XRN1: variants seen among roughly 807,000 people sequenced by gnomAD.
The protein encoded by XRN1 is 5'-3' exoribonuclease 1.
XRN1 carries 67 observed loss-of-function variants against 222.3 expected under a neutral mutation model. The ratio of observed to expected loss-of-function variants is 0.30; its 90% CI spans 0.25 to 0.37. The LOEUF is 0.37. Among genes scored for constraint, XRN1 ranks in the 10% least tolerant of loss-of-function variants. The pLI is 1.00. For missense variants in XRN1, 1,707 were observed against 2,000.2 expected (o/e 0.85, Z 2.80); for synonymous variants, 643 against 652.4 (o/e 0.99, Z 0.22).
At chr3:142,372,169 A>G (rs963466498) in intron 25 of XRN1, among the ~76,000 whole-genome samples, 3 of 152,158 alleles carry the variant, frequency 2.0e-5, no homozygotes, top group Non-Finnish European at 4.4e-5. Flanking sequence ...TGTAGCGTAT[A>G]TTTTAGAGAG....
At chr3:142,322,989 C>T (rs893143625) in intron 37 of XRN1, among the ~76,000 whole-genome samples, 57 of 152,130 alleles carry the variant, frequency 3.7e-4, no homozygotes, top group African/African-American at 1.0e-3. Flanking sequence ...GGTGACAGAG[C>T]GAGACTCTGT....
intron 29 of XRN1, among the ~76,000 whole-genome samples, chr3:142,361,761 T>A (rs2066637354): frequency 6.6e-6 from 1 of 152,186 alleles, no homozygotes; most frequent in Non-Finnish European, 1.5e-5. Context: ...TCTGTTCAGC[T>A]ATTTTGATCA....
Position 142,375,789 on chromosome 3 carries a change from T to G in XRN1, c.2978+9A>C, listed in dbSNP as rs6796807. The G allele has an allele frequency of 1.9e-6, 3 of 1,606,598 alleles. No homozygotes were observed. Among genetic ancestry groups the G allele is most frequent in the Non-Finnish European group, 2.5e-6 (3 of 1,176,762 alleles). ...TGGAATGACTACTAGTATCTTATTA[T>G]GTACTTACCTCTCTAAGTACTCTGC... On this transcript the variant is annotated intron_variant, in intron 25 of 40. Transcript: ENST00000392981.
intron 34 of XRN1, among the ~76,000 whole-genome samples, chr3:142,333,456 A>T (rs2107924720): frequency 6.6e-6 from 1 of 152,230 alleles, no homozygotes; most frequent in South Asian, 2.1e-4. Flanking sequence ...TTTATGTGCT[A>T]TTTTCCCTTT....
chr3:142,307,169 A>T lies in XRN1; in HGVS notation c.*4342T>A, dbSNP rs1473559478. ...AAACAACCTCCCCATCCCCCACCAA[A>T]CCCTTAACTGTAAGGGAAAGAAAGG... On this transcript the variant is annotated 3_prime_UTR_variant, in exon 41 of 41. Coordinates refer to ENST00000392981, the MANE Select transcript of XRN1 (RefSeq NM_001282857.2). 6.6e-6 allele frequency: 1 copy of T among 152,084 alleles called. No individual in the cohort carries two copies. Among genetic ancestry groups the T allele is most frequent in the Non-Finnish European group, 1.5e-5 (1 of 68,010 alleles). The allele number at this position is 152,084 out of a possible 1,614,324, so 9.4% of individuals were successfully genotyped here. A position where few individuals can be genotyped will look rare whatever the true frequency, so the allele number is the denominator to read the frequency against.
chr3:142,399,062 T>C (rs1461476773), intron 19 of XRN1, among the ~76,000 whole-genome samples: 1 of 151,828 alleles, frequency 6.6e-6, no homozygotes, highest in Non-Finnish European at 1.5e-5. Flanking sequence ...TCTAAATAAA[T>C]GAAGAGATAT....
At position 142,376,466 on chromosome 3, in the gene XRN1, A is replaced by C. The variant is rs368262393; in HGVS notation, c.2831+13T>G. Reference sequence around the variant, plus strand: ...TCTGCCACTTTAAGTAAATTTCTCTAACATAAACTTACTTTCTCCTAGATC... The same window carrying C: ...TCTGCCACTTTAAGTAAATTTCTCTCACATAAACTTACTTTCTCCTAGATC... On this transcript the variant is annotated intron_variant, in intron 24 of 40. Coordinates refer to ENST00000392981, the MANE Select transcript of XRN1 (RefSeq NM_001282857.2). The C allele has an allele frequency of 6.3e-7, 1 of 1,578,844 alleles. No homozygotes were observed. The highest frequency in any genetic ancestry group is 8.7e-7 in the Non-Finnish European group (1 of 1,150,626).
intron 1 of XRN1, among the ~76,000 whole-genome samples, chr3:142,442,162 T>A (rs1052476686): frequency 3.3e-5 from 5 of 152,214 alleles, no homozygotes; most frequent in Non-Finnish European, 7.3e-5. Flanking sequence ...TAGTCCTCCA[T>A]GCCCATGCAG....
chr3:142,356,453 C>T (rs2066468596), intron 31 of XRN1, among the ~76,000 whole-genome samples: 1 of 152,120 alleles, frequency 6.6e-6, no homozygotes, highest in South Asian at 2.1e-4. Flanking sequence ...CAAGACAACT[C>T]AATTTTTGTC....
chr3:142,353,875 CAGAGT>C (rs1163315983), intron 32 of XRN1, among the ~76,000 whole-genome samples: 2 of 152,100 alleles, frequency 1.3e-5, no homozygotes, highest in Non-Finnish European at 2.9e-5. Flanking sequence ...AAATTATCAA[CAGAGT>C]AAACACAACT....
intron 21 of XRN1, among the ~76,000 whole-genome samples, 158 bp downstream of exon 21, chr3:142,384,365 T>A (rs2067418942): frequency 6.6e-6 from 1 of 152,106 alleles, no homozygotes; most frequent in Non-Finnish European, 1.5e-5. Context: ...GTAATACTTC[T>A]TACAAATAAT....
intron 29 of XRN1, among the ~76,000 whole-genome samples, chr3:142,361,289 A>G (rs886168154): frequency 4.6e-5 from 7 of 152,100 alleles, no homozygotes; most frequent in Admixed American, 4.6e-4. Context: ...TCATCTGCTG[A>G]TGGGGATTTA....
At chr3:142,408,773 T>G (rs903257588) in intron 15 of XRN1, among the ~76,000 whole-genome samples, 1 of 152,240 alleles carries the variant, frequency 6.6e-6, no homozygotes, top group Non-Finnish European at 1.5e-5. Context: ...AACTGCCAGA[T>G]AGATATGAAA....
intron 33 of XRN1, among the ~76,000 whole-genome samples, chr3:142,339,161 C>T (rs2065920956): frequency 6.6e-6 from 1 of 152,168 alleles, no homozygotes; most frequent in African/African-American, 2.4e-5. Context: ...CAGGTCTGAC[C>T]TAGTGCAGTC....
At chr3:142,347,438 A>G in intron 32 of XRN1, 96 bp from the exon 33 acceptor site, 1 of 805,340 alleles carries the variant, frequency 1.2e-6, no homozygotes, top group Non-Finnish European at 1.8e-6. Context: ...TAAAAATTAT[A>G]TAGTTCCTTA....
chr3:142,336,432 A>AAGG (rs1553854442), intron 33 of XRN1, among the ~76,000 whole-genome samples: 4 of 150,968 alleles, frequency 2.6e-5, no homozygotes, highest in East Asian at 1.9e-4. Context: ...AGAAGAGGAA[A>AAGG]AAGGAAGGAA....
At chr3:142,426,894 T>A in intron 2 of XRN1, 53 bp from the exon 3 acceptor site, 1 of 1,480,936 alleles carries the variant, frequency 6.8e-7, no homozygotes, top group Non-Finnish European at 9.4e-7. Flanking sequence ...AAAGTGAAGA[T>A]CTTTATATAA....
rs2065008555 is a variant in XRN1 at position 142,308,268 on chromosome 3, T to A, written c.*3243A>T. On this transcript the variant is annotated 3_prime_UTR_variant, in exon 41 of 41. Coordinates refer to ENST00000392981, the MANE Select transcript of XRN1 (RefSeq NM_001282857.2). ...AGTGACTGGGTATGTCTTATTTAAC[T>A]GTTTTTCTTCTTCCATCTGCCTCCC... 6.6e-6 allele frequency: 1 copy of A among 152,250 alleles called. No homozygotes were observed. Among genetic ancestry groups the A allele is most frequent in the South Asian group, 2.1e-4 (1 of 4,830 alleles). The allele number at this position is 152,250 out of a possible 1,614,324, so 9.4% of individuals were successfully genotyped here. A position where few individuals can be genotyped will look rare whatever the true frequency, so the allele number is the denominator to read the frequency against.
At position 142,318,634 on chromosome 3, in the gene XRN1, C is replaced by T. The variant is rs771050919; in HGVS notation, c.4579G>A (p.Val1527Ile). 2.5e-6 allele frequency: 4 copies of T among 1,609,350 alleles called. No homozygotes were observed. The highest frequency in any genetic ancestry group is 3.4e-6 in the Non-Finnish European group (4 of 1,178,266). The change falls in exon 39 of 41, where the codon GTA (valine) becomes ATA (isoleucine). Residue 1527 changes from valine to isoleucine, a missense_variant. By Grantham distance (29) the Val-to-Ile change is conservative (BLOSUM62 3). Coordinates refer to ENST00000392981, the MANE Select transcript of XRN1 (RefSeq NM_001282857.2). Reference protein sequence around the residue: ...SQVFANYPSAVPPGTIPPAFP... With the variant: ...SQVFANYPSAIPPGTIPPAFP... ...GCTGGAGGAATGGTTCCAGGTGGTA[C>T]AGCTGAAGGATAATTTGCAAATACT...
Sources: gnomAD v4.1 joint callset for allele counts (sites outside exome capture counted in the v4.1 genomes callset) on GRCh38, gnomAD v4.1.1 for gene constraint, MANE v1.5 for transcripts, NCBI Gene and HGNC (gene_info 2026-07-23, HGNC 2026-07-21) for gene names.